Variants in CDC42BPB observed in about 807,000 individuals in gnomAD.
CDC42BPB encodes the protein serine/threonine-protein kinase MRCK beta.
In CDC42BPB, 37 loss-of-function variants were observed where a neutral mutation model predicts 214.9. That is an observed-to-expected ratio of 0.17 (90% CI 0.13 to 0.23). The LOEUF is 0.23. Among genes scored for constraint, CDC42BPB ranks in the 10% least tolerant of loss-of-function variants. The pLI is 1.00. For synonymous variants in CDC42BPB, 931 were observed against 884.0 expected, an observed-to-expected ratio of 1.05 and a Z score of -0.94; for missense variants, 1,694 against 2,227.0, an observed-to-expected ratio of 0.76 and a Z score of 4.82.
chr14:103,021,880 G>A (rs538073000), intron 1 of CDC42BPB, among the ~76,000 whole-genome samples: 216 of 152,222 alleles, frequency 1.4e-3, no homozygotes, highest in Non-Finnish European at 2.3e-3. Context: ...TGAGACGAGC[G>A]GATTTCCTGC....
At chr14:103,050,246 G>C (rs1595196103) in intron 1 of CDC42BPB, among the ~76,000 whole-genome samples, 1 of 152,128 alleles carries the variant, frequency 6.6e-6, no homozygotes, top group African/African-American at 2.4e-5. Context: ...CTTTACCTAG[G>C]TCCCTGACAA....
chr14:102,981,932 T>A (rs906572620), intron 7 of CDC42BPB, among the ~76,000 whole-genome samples: 2 of 152,082 alleles, frequency 1.3e-5, no homozygotes, highest in Non-Finnish European at 1.5e-5. Flanking sequence ...AGCTGAGGTC[T>A]GCCGAGGCCA....
At position 102,954,668 on chromosome 14, in the gene CDC42BPB, T is replaced by G. The variant is rs377345721; in HGVS notation, c.2922A>C (p.Gln974His). 1 of 1,613,868 alleles carries G rather than the reference T, an allele frequency of 6.2e-7. No homozygotes were observed. Among genetic ancestry groups the G allele is most frequent in the Non-Finnish European group, 8.5e-7 (1 of 1,179,856 alleles). The change falls in exon 22 of 37, where the codon CAA becomes CAC. Residue 974 changes from glutamine to histidine, a missense_variant. Coordinates refer to ENST00000361246, the MANE Select transcript of CDC42BPB (RefSeq NM_006035.4). ...CTTCTGGCTTCGGAGCTTGTGTTTC[T>G]TGCTCACTAGCTGAGCTGGTCTGTG... ...LTFRTSSASE[Q>H]ETQAPKPEAS...
At chr14:102,940,692 C>T in intron 30 of CDC42BPB, 1 of 328,220 alleles carries the variant, frequency 3.0e-6, no homozygotes, top group East Asian at 7.4e-5. Flanking sequence ...TAGGGGCCGA[C>T]TGTTCAGTAT....
Position 103,041,485 on chromosome 14 carries a change from A to T in CDC42BPB, c.175+15514T>A, listed in dbSNP as rs539142775. ...TAGGCAGCCATGGCGCCCAGCCAGA[A>T]TGGCATGGAAGCCCCACTTCCACAA... On this transcript the variant is annotated intron_variant, in intron 1 of 36. Coordinates refer to ENST00000361246, the MANE Select transcript of CDC42BPB (RefSeq NM_006035.4). 7.8e-4 allele frequency: 1,029 copies of T among 1,311,378 alleles called. 1 individual carries two copies. The highest frequency in any genetic ancestry group is 9.5e-4 in the Non-Finnish European group (880 of 923,248). 81.2% of individuals were successfully genotyped at this position (1,311,378 alleles called of 1,614,324 possible).
At chr14:103,051,075 C>T (rs1018285891) in intron 1 of CDC42BPB, among the ~76,000 whole-genome samples, 1 of 148,082 alleles carries the variant, frequency 6.8e-6, no homozygotes, top group African/African-American at 2.5e-5. Context: ...AACCAAAAAC[C>T]TAACCCCCAA....
chr14:102,979,038 C>A (rs1364015956), intron 8 of CDC42BPB, among the ~76,000 whole-genome samples: 1 of 152,052 alleles, frequency 6.6e-6, no homozygotes, highest in Non-Finnish European at 1.5e-5. Flanking sequence ...AGTTCTTTAT[C>A]TGGGAAATTT....
rs1893970971 is a variant in CDC42BPB, at chr14:102,980,972, T to C, written c.941A>G (p.Lys314Arg). The C allele has an allele frequency of 3.1e-6, 5 of 1,614,232 alleles. No homozygotes were observed. The highest frequency in any genetic ancestry group is 1.6e-4 in the Middle Eastern group (1 of 6,062). ...SHVTDVSEEAKDLIQRLICSR... is the reference protein window; with the variant it reads ...SHVTDVSEEARDLIQRLICSR... ...GCAGATCAGTCTCTGGATGAGGTCC[T>C]TCGCTTCTTCAGATACATCCGTGAC... The change falls in exon 8 of 37, where the codon AAG (lysine) becomes AGG (arginine). Residue 314 changes from lysine (K) to arginine (R), a missense_variant. By Grantham distance (26) the Lys-to-Arg change is conservative. This residue lies in a region of CDC42BPB where 225 missense variants were observed against 459.3 expected (regional missense o/e 0.49). Coordinates refer to ENST00000361246, the MANE Select transcript of CDC42BPB (RefSeq NM_006035.4).
chr14:103,018,941 T>A lies in CDC42BPB; in HGVS notation c.176-6753A>T, dbSNP rs2139664650. Among the ~76,000 whole-genome samples the A allele has an allele frequency of 1.3e-5, 2 of 151,814 alleles. 1 individual carries two copies. Among genetic ancestry groups the A allele is most frequent in the Middle Eastern group, 6.8e-3 (2 of 294 alleles). ...TCCAGGGAGGATGCAGGCCATTCGG[T>A]TTTTTGGTTTGTTTGTTTTTGAGAC... On this transcript the variant is annotated intron_variant, in intron 1 of 36. Transcript: ENST00000361246.
At chr14:103,056,498 C>T (rs1888959624) in intron 1 of CDC42BPB, among the ~76,000 whole-genome samples, 1 of 151,734 alleles carries the variant, frequency 6.6e-6, no homozygotes, top group Admixed American at 6.6e-5. Context: ...GCCCCCACAA[C>T]GCAGAGAAGC....
intron 1 of CDC42BPB, among the ~76,000 whole-genome samples, chr14:103,044,046 C>T (rs563539663): frequency 1.8e-4 from 28 of 152,160 alleles, no homozygotes; most frequent in Non-Finnish European, 3.8e-4. Flanking sequence ...GGAAATAGAG[C>T]ATTTCCAGTA....
chr14:103,024,559 T>C (rs1886944276), intron 1 of CDC42BPB, among the ~76,000 whole-genome samples: 1 of 152,230 alleles, frequency 6.6e-6, no homozygotes, highest in South Asian at 2.1e-4. Flanking sequence ...TTAGCAACTA[T>C]TCGTAACATC....
chr14:102,966,556 C>T (rs1031262147), intron 17 of CDC42BPB, 169 bp from the exon 18 acceptor site: 21 of 980,168 alleles, frequency 2.1e-5, no homozygotes, highest in South Asian at 4.7e-5. Flanking sequence ...ATGGATGCGT[C>T]GTTACATTGC....
intron 30 of CDC42BPB, among the ~76,000 whole-genome samples, chr14:102,941,757 G>A (rs957375943): frequency 1.3e-5 from 2 of 152,234 alleles, no homozygotes; most frequent in African/African-American, 4.8e-5. Flanking sequence ...CAGAGCACGC[G>A]GCCCCTGTGG....
At chr14:102,981,696 A>T (rs1044588654) in intron 7 of CDC42BPB, among the ~76,000 whole-genome samples, 2 of 152,112 alleles carry the variant, frequency 1.3e-5, no homozygotes, top group Admixed American at 6.5e-5. Context: ...AGAATCGCTT[A>T]AACTCGGGAG....
chr14:102,937,706 C>T (rs540734448), intron 36 of CDC42BPB, among the ~76,000 whole-genome samples: 3 of 152,382 alleles, frequency 2.0e-5, no homozygotes, highest in East Asian at 1.9e-4. Flanking sequence ...TGACACCAAG[C>T]GCCATCCCAA....
rs373501800 is a variant in CDC42BPB, at chr14:103,056,811, A to C, written c.175+188T>G. On this transcript the variant is annotated intron_variant, in intron 1 of 36. Transcript: ENST00000361246. ...CTAGCGGAGGGACGAGGGTGCAAGG[A>C]GCGGCTGGAGAGAGATGGGCTGCGG... Among the ~76,000 whole-genome samples the C allele has an allele frequency of 3.6e-4, 55 of 151,126 alleles. 1 individual carries two copies. In the East Asian group the frequency reaches 9.2e-3, roughly 25 times the overall value.
At chr14:102,974,945 C>CAAAAAACA (rs777086712) in intron 11 of CDC42BPB, among the ~76,000 whole-genome samples, 4 of 151,222 alleles carry the variant, frequency 2.6e-5, no homozygotes, top group Non-Finnish European at 4.4e-5. Context: ...GACTCCGTCT[C>CAAAAAACA]AAAAAACAAA....
intron 36 of CDC42BPB, among the ~76,000 whole-genome samples, chr14:102,935,185 A>AGAT (rs1235379602): frequency 6.6e-6 from 1 of 152,206 alleles, no homozygotes; most frequent in Non-Finnish European, 1.5e-5. Flanking sequence ...CTCTCTTTGC[A>AGAT]GATGACATGA....
Sources: allele counts gnomAD v4.1 joint callset (sites outside exome capture counted in the v4.1 genomes callset), GRCh38; gene constraint gnomAD v4.1.1; regional missense constraint gnomAD v4.1.1; transcripts MANE v1.5; gene names NCBI Gene and HGNC (gene_info 2026-07-23, HGNC 2026-07-21).